The following CSMD2 variants were observed in gnomAD, a reference collection of about 807,000 sequenced individuals.
CSMD2 encodes CUB and sushi domain-containing protein 2.
In CSMD2, 130 loss-of-function variants were observed where a neutral mutation model predicts 398.5. That is an observed-to-expected ratio of 0.33 (90% CI 0.28 to 0.38). The LOEUF (loss-of-function observed/expected upper bound fraction) is 0.38. Ranked by LOEUF, CSMD2 falls within the 10% of genes least tolerant of loss-of-function variation. The pLI is 1.00. For missense variants in CSMD2, 3,829 were observed against 4,764.9 expected (o/e 0.80, Z 5.78); for synonymous variants, 1,828 against 1,908.5 (o/e 0.96, Z 1.10).
chr1:33,880,707 A>T (rs1441167914), intron 5 of CSMD2, among the ~76,000 whole-genome samples: 2 of 152,348 alleles, frequency 1.3e-5, no homozygotes, highest in Middle Eastern at 3.4e-3. Context: ...TTCTTGTGGC[A>T]TGCTGTTTAA....
At chr1:34,116,904 G>A (rs1029717712) in intron 1 of CSMD2, among the ~76,000 whole-genome samples, 1 of 151,864 alleles carries the variant, frequency 6.6e-6, no homozygotes, top group Non-Finnish European at 1.5e-5. Context: ...ATGGGTCAAA[G>A]AAAAAATCAC....
intron 6 of CSMD2, among the ~76,000 whole-genome samples, chr1:33,830,582 G>T (rs1045394301): frequency 6.6e-6 from 1 of 152,134 alleles, no homozygotes; most frequent in Admixed American, 6.5e-5. Context: ...AGAAAAACTG[G>T]AAACTCTAAA....
intron 22 of CSMD2, among the ~76,000 whole-genome samples, chr1:33,708,815 T>A (rs1242220447): frequency 6.6e-6 from 1 of 152,078 alleles, no homozygotes; most frequent in Non-Finnish European, 1.5e-5. Context: ...TTCCCTAAGC[T>A]AAATTATTGT....
At chr1:33,700,743 C>T in intron 22 of CSMD2, 70 bp from the exon 23 acceptor site, 1 of 1,481,816 alleles carries the variant, frequency 6.7e-7, no homozygotes, top group Non-Finnish European at 9.3e-7. Context: ...CCTCCTTACC[C>T]CACAACCCAC....
intron 24 of CSMD2, among the ~76,000 whole-genome samples, chr1:33,694,014 G>A (rs942780425): frequency 2.6e-5 from 4 of 152,026 alleles, no homozygotes; most frequent in East Asian, 1.9e-4. Context: ...AACCGAGATC[G>A]CACCATTGCA....
At chr1:33,798,321 T>C (rs1655192530) in intron 10 of CSMD2, among the ~76,000 whole-genome samples, 1 of 152,248 alleles carries the variant, frequency 6.6e-6, no homozygotes, top group African/African-American at 2.4e-5. Context: ...ACATAATTAC[T>C]GAGCACCTGC....
intron 5 of CSMD2, among the ~76,000 whole-genome samples, chr1:33,852,625 GAT>G (rs1638795349): frequency 6.6e-6 from 1 of 152,208 alleles, no homozygotes; most frequent in Non-Finnish European, 1.5e-5. Flanking sequence ...GCCCTGCCAT[GAT>G]CCTGGGCATA....
chr1:33,784,442 T>C (rs970768973), intron 12 of CSMD2, among the ~76,000 whole-genome samples: 2 of 152,044 alleles, frequency 1.3e-5, no homozygotes, highest in African/African-American at 2.4e-5. Context: ...AAGTCAAAGG[T>C]GGAAGGGACA....
Position 33,989,045 on chromosome 1 carries a change from T to C in CSMD2, c.517+43549A>G, listed in dbSNP as rs61771367. 2.6e-3 allele frequency among the ~76,000 whole-genome samples: 139 copies of C among 52,534 alleles called. 2 individuals carry two copies. The highest frequency in any genetic ancestry group is 6.8e-3 in the African/African-American group (118 of 17,474). 34.5% of individuals were successfully genotyped at this position (52,534 alleles called of 152,430 possible). A position where few individuals can be genotyped will look rare whatever the true frequency, so the allele number is the denominator to read the frequency against. ...ATATATATATATATATATATATATATATATATATATATATATATATATATG... is the reference window on the plus strand; with the variant it reads ...ATATATATATATATATATATATATACATATATATATATATATATATATATG... On this transcript the variant is annotated intron_variant, in intron 3 of 70. Coordinates refer to ENST00000373381, the MANE Select transcript of CSMD2 (RefSeq NM_001281956.2).
At chr1:34,127,066 C>A (rs1771381) in intron 1 of CSMD2, among the ~76,000 whole-genome samples, 56,500 of 151,840 alleles carry the variant, frequency 0.37, 11,422 homozygotes, top group East Asian at 0.68. Flanking sequence ...GAGACACAGG[C>A]AAGAGGCAGA....
At chr1:33,785,106 C>G (rs534542227) in intron 12 of CSMD2, among the ~76,000 whole-genome samples, 2 of 152,246 alleles carry the variant, frequency 1.3e-5, no homozygotes, top group Non-Finnish European at 2.9e-5. Context: ...CCTGCTGACA[C>G]CTAGTCCATG....
chr1:33,875,744 TGAAG>T (rs1392753622), intron 5 of CSMD2, among the ~76,000 whole-genome samples: 1 of 152,160 alleles, frequency 6.6e-6, no homozygotes, highest in African/African-American at 2.4e-5. Context: ...GCAGGAGGAA[TGAAG>T]GAAGATAAGA....
At chr1:33,741,252 G>A (rs1278982520) in intron 14 of CSMD2, among the ~76,000 whole-genome samples, 3 of 152,026 alleles carry the variant, frequency 2.0e-5, no homozygotes, top group African/African-American at 4.8e-5. Context: ...AGAGCTGTCT[G>A]GGGAGGCAAG....
intron 4 of CSMD2, among the ~76,000 whole-genome samples, chr1:33,922,301 G>C (rs1643969783): frequency 6.6e-6 from 1 of 152,108 alleles, no homozygotes; most frequent in Non-Finnish European, 1.5e-5. Flanking sequence ...CCTGAAAGAA[G>C]AGAAGGTGGG....
At chr1:33,600,305 A>T (rs1640128522) in intron 44 of CSMD2, 1 of 610,608 alleles carries the variant, frequency 1.6e-6, no homozygotes, top group Admixed American at 3.2e-5. Context: ...AACATTCTAT[A>T]AGTTTCTCTA....
rs572375288 is a variant in CSMD2, at chr1:33,942,801, G to A, written c.518-6847C>T. ...CTGAGCTTTAACTGCTCAATCTCCA[G>A]GGCCTTTCTTGTTTTTAGGTTTTTA... On this transcript the variant is annotated intron_variant, in intron 3 of 70. Coordinates refer to ENST00000373381, the MANE Select transcript of CSMD2 (RefSeq NM_001281956.2). Among the ~76,000 whole-genome samples the A allele has an allele frequency of 5.9e-5, 9 of 152,306 alleles. No homozygotes were observed. The East Asian group carries it at 1.2e-3, about 20-fold the overall frequency.
At chr1:34,160,132 G>A (rs1461033814) in intron 1 of CSMD2, among the ~76,000 whole-genome samples, 2 of 152,126 alleles carry the variant, frequency 1.3e-5, no homozygotes, top group Non-Finnish European at 2.9e-5. Flanking sequence ...TGCCTGCTGG[G>A]CTCTGCCGGA....
chr1:33,792,447 C>T lies in CSMD2; in HGVS notation c.1526G>A (p.Gly509Glu), dbSNP rs1296783137. The part of the protein sequence containing the change: ...TLTVGDGGQD[G>E]DQKTVLYILT... Reference sequence around the variant, plus strand: ...CATGTAGAGAACTGTCTTCTGGTCCCCATCCTGACCACCATCACCGACCGT... The same window carrying T: ...CATGTAGAGAACTGTCTTCTGGTCCTCATCCTGACCACCATCACCGACCGT... Residue 509 changes from glycine to glutamate, a missense_variant, in exon 11 of 71, where the codon GGG (glycine) becomes GAG (glutamate). Transcript: ENST00000373381. The T allele has an allele frequency of 1.2e-6, 2 of 1,613,496 alleles. No individual in the cohort carries two copies. Among genetic ancestry groups the T allele is most frequent in the East Asian group, 2.2e-5 (1 of 44,878 alleles).
chr1:33,794,943 T>C (rs1654773085), intron 10 of CSMD2, among the ~76,000 whole-genome samples: 1 of 151,732 alleles, frequency 6.6e-6, no homozygotes, highest in African/African-American at 2.4e-5. Context: ...GATGTGAGCC[T>C]GTAGCAAGGT....
Sources: allele counts gnomAD v4.1 joint callset (sites outside exome capture counted in the v4.1 genomes callset), GRCh38; gene constraint gnomAD v4.1.1; transcripts MANE v1.5; gene names NCBI Gene and HGNC (gene_info 2026-07-23, HGNC 2026-07-21).